TMEM45B: variants seen among roughly 807,000 people sequenced by gnomAD.
TMEM45B encodes the protein transmembrane protein 45B.
TMEM45B carries 29 observed loss-of-function variants against 27.3 expected under a neutral mutation model. That is an observed-to-expected ratio of 1.06 (90% CI 0.79 to 1.45). The LOEUF (loss-of-function observed/expected upper bound fraction) is 1.45, where lower values mean the gene tolerates loss of function less well. Among genes scored for constraint, TMEM45B ranks in the 40% most tolerant of loss-of-function variants. The pLI, the probability that TMEM45B is intolerant of heterozygous loss-of-function variation, is 0.00. For synonymous variants in TMEM45B, 143 were observed against 134.7 expected, an observed-to-expected ratio of 1.06 and a Z score of -0.43; for missense variants, 348 against 343.9, an observed-to-expected ratio of 1.01 and a Z score of -0.09.
intron 1 of TMEM45B, among the ~76,000 whole-genome samples, chr11:129,843,096 C>A (rs1023371304): frequency 6.6e-6 from 1 of 152,174 alleles, no homozygotes; most frequent in Non-Finnish European, 1.5e-5. Context: ...TGCGCCACCA[C>A]GGCTGGCTAA....
intron 1 of TMEM45B, among the ~76,000 whole-genome samples, chr11:129,851,408 G>C (rs572226767): frequency 6.6e-6 from 1 of 150,386 alleles, no homozygotes; most frequent in Non-Finnish European, 1.5e-5. Context: ...GCCAGGCGTG[G>C]TGGCGGGTGC....
intron 1 of TMEM45B, among the ~76,000 whole-genome samples, chr11:129,818,726 G>A (rs191515402): frequency 7.9e-5 from 12 of 152,226 alleles, no homozygotes; most frequent in Admixed American, 3.3e-4. Flanking sequence ...AAACTCTCTC[G>A]TTTGGTATAT....
chr11:129,826,800 T>C (rs1373788240), intron 1 of TMEM45B, among the ~76,000 whole-genome samples: 1 of 150,426 alleles, frequency 6.6e-6, no homozygotes, highest in Non-Finnish European at 1.5e-5. Flanking sequence ...CTCCACCTCC[T>C]GGGTTCACGC....
chr11:129,830,425 G>A (rs1038998809), intron 1 of TMEM45B, among the ~76,000 whole-genome samples: 1 of 152,066 alleles, frequency 6.6e-6, no homozygotes, highest in African/African-American at 2.4e-5. Context: ...CTGACCTTTG[G>A]TTAAGCAGTG....
chr11:129,857,404 G>A lies in TMEM45B; in HGVS notation c.662G>A (p.Trp221Ter), dbSNP rs991332212. ...ATGTTCATCACCATGTGCTTCTGCT[G>A]GCACTACCTGGCTGCCCTCAGCATT... ...NLMFITMCFC[W>*]HYLAALSIVA... Residue 221 changes from tryptophan (W) to a stop codon, truncating the protein, a stop_gained, in exon 5 of 6, where the codon TGG becomes TAG. Coordinates refer to ENST00000281441, the MANE Select transcript of TMEM45B (RefSeq NM_138788.5). LOFTEE classifies it high-confidence loss of function. 3 of 1,614,156 alleles carry A rather than the reference G, an allele frequency of 1.9e-6. No individual in the cohort carries two copies. Among genetic ancestry groups the A allele is most frequent in the Admixed American group, 1.7e-5 (1 of 60,022 alleles).
intron 1 of TMEM45B, among the ~76,000 whole-genome samples, chr11:129,831,862 T>C (rs753975181): frequency 4.6e-5 from 7 of 151,582 alleles, no homozygotes; most frequent in African/African-American, 2.4e-5. Context: ...GGTCACCAGT[T>C]CAAGATCAGC....
In TMEM45B at chr11:129,855,624, CT is replaced by C. The variant is rs1263219639; in HGVS notation, c.386-83del. 3 of 1,428,432 alleles carry C rather than the reference CT, an allele frequency of 2.1e-6. No homozygotes were observed. In the African/African-American group the frequency reaches 4.2e-5, roughly 20 times the overall value. 88.5% of individuals were successfully genotyped at this position (1,428,432 alleles called of 1,614,324 possible). ...ACTAACTGCCTAAATGCTGAAGAACCTAGCTGAGACAGGTGTAGGAGGAAAC... is the reference window on the plus strand; with the variant it reads ...ACTAACTGCCTAAATGCTGAAGAACCAGCTGAGACAGGTGTAGGAGGAAAC... On this transcript the variant is annotated intron_variant, in intron 3 of 5. Coordinates refer to ENST00000281441, the MANE Select transcript of TMEM45B (RefSeq NM_138788.5).
chr11:129,828,654 T>C (rs1947514858), intron 1 of TMEM45B, among the ~76,000 whole-genome samples: 1 of 152,236 alleles, frequency 6.6e-6, no homozygotes, highest in Admixed American at 6.5e-5. Flanking sequence ...GGTTTGGCTG[T>C]ATTCCAAAGC....
chr11:129,816,589 A>G (rs1041823645), intron 1 of TMEM45B, among the ~76,000 whole-genome samples: 8 of 152,074 alleles, frequency 5.3e-5, no homozygotes, highest in Non-Finnish European at 1.0e-4. Flanking sequence ...GGGCCAGAGA[A>G]ACAACCTCTG....
intron 1 of TMEM45B, among the ~76,000 whole-genome samples, chr11:129,818,113 T>C (rs950735281): frequency 6.6e-6 from 1 of 152,238 alleles, no homozygotes; most frequent in Non-Finnish European, 1.5e-5. Flanking sequence ...CCTCACACTT[T>C]CTTTGAACTC....
At chr11:129,845,440 A>G (rs1444746827) in intron 1 of TMEM45B, among the ~76,000 whole-genome samples, 3 of 152,078 alleles carry the variant, frequency 2.0e-5, no homozygotes, top group Non-Finnish European at 4.4e-5. Flanking sequence ...TATCAGAATT[A>G]AGTTACTATT....
At chr11:129,856,512 TGTGTTTTTAA>T (rs1011521214) in intron 4 of TMEM45B, among the ~76,000 whole-genome samples, 11 of 151,516 alleles carry the variant, frequency 7.3e-5, no homozygotes, top group African/African-American at 2.7e-4. Flanking sequence ...CACCTGGACT[TGTGTTTTTAA>T]GTAAGCCTAT....
chr11:129,837,585 C>CCTTTTTTTTTT (rs1947636610), intron 1 of TMEM45B, among the ~76,000 whole-genome samples: 3 of 80,286 alleles, frequency 3.7e-5, no homozygotes, highest in African/African-American at 1.3e-4. Context: ...CTGCACTGGG[C>CCTTTTTTTTTT]TTTTTTTTTT....
rs1186288899 is a variant in TMEM45B at position 129,859,862 on chromosome 11, A to T, written c.*1177A>T. ...TTCCTTCAACAAATATTTATTAAATATCCACTTTGCAACAGCACTGAAATG... is the reference window on the plus strand; with the variant it reads ...TTCCTTCAACAAATATTTATTAAATTTCCACTTTGCAACAGCACTGAAATG... On this transcript the variant is annotated 3_prime_UTR_variant, in exon 6 of 6. Transcript: ENST00000281441. The T allele has an allele frequency of 6.6e-6, 1 of 152,572 alleles. No individual in the cohort carries two copies. The highest frequency in any genetic ancestry group is 6.5e-5 in the Admixed American group (1 of 15,272). 9.5% of individuals were successfully genotyped at this position (152,572 alleles called of 1,614,324 possible).
chr11:129,849,120 T>A (rs1315899096), intron 1 of TMEM45B, among the ~76,000 whole-genome samples: 1 of 152,222 alleles, frequency 6.6e-6, no homozygotes, highest in Non-Finnish European at 1.5e-5. Flanking sequence ...CATTCCAACA[T>A]GAACTTTAAA....
rs558354224 is a variant in TMEM45B at position 129,828,700 on chromosome 11, G to A, written c.-9+12802G>A. On this transcript the variant is annotated intron_variant, in intron 1 of 5. Transcript: ENST00000281441. ...CAGAAGCCACCTGAGAGTTCCTGCC[G>A]GCAAGGACAAATTCAGAATGTAGAA... 5.5e-4 allele frequency among the ~76,000 whole-genome samples: 83 copies of A among 152,232 alleles called. No individual in the cohort carries two copies. The South Asian group carries it at 0.016, about 29-fold the overall frequency.
intron 1 of TMEM45B, among the ~76,000 whole-genome samples, chr11:129,845,751 T>G (rs1947753145): frequency 6.6e-6 from 1 of 152,252 alleles, no homozygotes; most frequent in South Asian, 2.1e-4. Context: ...CTATGCAAAT[T>G]CTCAAGGAAT....
intron 1 of TMEM45B, among the ~76,000 whole-genome samples, chr11:129,841,283 T>C (rs1947689211): frequency 6.6e-6 from 1 of 152,124 alleles, no homozygotes; most frequent in African/African-American, 2.4e-5. Flanking sequence ...AACATGGGAA[T>C]GAACACTTGG....
At chr11:129,828,286 C>T (rs567918780) in intron 1 of TMEM45B, 26 of 152,298 alleles carry the variant, frequency 1.7e-4, no homozygotes, top group African/African-American at 6.3e-4. Flanking sequence ...TAATTGTATT[C>T]CATATCATGG....
Sources: allele counts gnomAD v4.1 joint callset (sites outside exome capture counted in the v4.1 genomes callset), GRCh38; gene constraint gnomAD v4.1.1; transcripts MANE v1.5; gene names NCBI Gene and HGNC (gene_info 2026-07-23, HGNC 2026-07-21).